Variants in SEMA3D observed in about 807,000 individuals in gnomAD.
SEMA3D encodes semaphorin-3D.
SEMA3D carries 84 observed loss-of-function variants against 100.1 expected under a neutral mutation model. The observed-to-expected ratio is 0.84, with a 90% confidence interval of 0.70 to 1.01. The LOEUF (loss-of-function observed/expected upper bound fraction) is 1.01, where lower values mean the gene tolerates loss of function less well. SEMA3D is among the 50% of genes least tolerant of loss of function. The pLI, the probability that SEMA3D is intolerant of heterozygous loss-of-function variation, is 0.00. For synonymous variants in SEMA3D, 312 were observed against 320.7 expected (o/e 0.97, Z 0.29); for missense variants, 875 against 934.1 (o/e 0.94, Z 0.82).
chr7:85,133,111 T>C (rs1267354509), intron 2 of SEMA3D, among the ~76,000 whole-genome samples: 1 of 151,998 alleles, frequency 6.6e-6, no homozygotes, highest in Non-Finnish European at 1.5e-5. Context: ...GGTCTTCCTA[T>C]GTAGATATGT....
At chr7:85,142,031 A>T (rs1790064355) in intron 2 of SEMA3D, 1 of 983,896 alleles carries the variant, frequency 1.0e-6, no homozygotes, top group Admixed American at 6.2e-5. Context: ...AATAGCCAGC[A>T]AAATAGAAGG....
intron 2 of SEMA3D, among the ~76,000 whole-genome samples, chr7:85,147,092 C>CTTTTTT (rs752922884): frequency 0.014 from 662 of 48,134 alleles, 60 homozygotes; most frequent in Non-Finnish European, 0.016. Context: ...TTTTTCTTTT[C>CTTTTTT]TTTTTTTTTT....
the SEMA3D span, among the ~76,000 whole-genome samples, chr7:85,231,522 C>T: frequency 6.8e-6 from 1 of 147,480 alleles, no homozygotes. Context: ...GCGATCTCGG[C>T]TCACTGCAAG....
At chr7:85,177,905 G>A (rs535227608) in intron 1 of SEMA3D, among the ~76,000 whole-genome samples, 2 of 152,254 alleles carry the variant, frequency 1.3e-5, no homozygotes, top group South Asian at 4.1e-4. Context: ...AATCCAAATT[G>A]TAATACCCAT....
At chr7:85,160,247 G>C (rs1019043223) in intron 1 of SEMA3D, among the ~76,000 whole-genome samples, 1 of 152,012 alleles carries the variant, frequency 6.6e-6, no homozygotes, top group African/African-American at 2.4e-5. Context: ...ATGGTTAAGA[G>C]ATGGATGAAC....
intron 3 of SEMA3D, among the ~76,000 whole-genome samples, chr7:85,100,065 A>G (rs1788700456): frequency 6.6e-6 from 1 of 151,988 alleles, no homozygotes; most frequent in Non-Finnish European, 1.5e-5. Context: ...ATGTGCAGAA[A>G]GATGTAAAGA....
chr7:85,118,883 T>G (rs1789326406), intron 3 of SEMA3D, among the ~76,000 whole-genome samples: 1 of 152,142 alleles, frequency 6.6e-6, no homozygotes, highest in Admixed American at 6.6e-5. Context: ...TGAATGGTAT[T>G]GCTTAGGTTG....
chr7:85,063,759 A>T (rs776911275), intron 8 of SEMA3D, among the ~76,000 whole-genome samples: 1 of 152,220 alleles, frequency 6.6e-6, no homozygotes, highest in Non-Finnish European at 1.5e-5. Context: ...TTAGAAAAAC[A>T]AAATTCTGAC....
At chr7:85,184,238 A>C (rs1356439204) in intron 1 of SEMA3D, among the ~76,000 whole-genome samples, 1 of 152,198 alleles carries the variant, frequency 6.6e-6, no homozygotes, top group Non-Finnish European at 1.5e-5. Context: ...TGGGGTCATG[A>C]CAACTTTCTT....
At chr7:85,134,817 T>G (rs73379824) in intron 2 of SEMA3D, among the ~76,000 whole-genome samples, 10 of 152,030 alleles carry the variant, frequency 6.6e-5, no homozygotes, top group African/African-American at 2.4e-4. Context: ...GTGTATAATA[T>G]CATAAAAACT....
At chr7:85,076,655 T>A (rs1282408406) in intron 5 of SEMA3D, among the ~76,000 whole-genome samples, 3 of 152,186 alleles carry the variant, frequency 2.0e-5, no homozygotes. Context: ...TCTTAACTGG[T>A]TTTATTTTTA....
chr7:85,094,392 T>C (rs1224494720), intron 4 of SEMA3D, among the ~76,000 whole-genome samples: 4 of 152,024 alleles, frequency 2.6e-5, no homozygotes, highest in Non-Finnish European at 5.9e-5. Flanking sequence ...TAAACTAAGT[T>C]AAAAATGGTA....
the SEMA3D span, among the ~76,000 whole-genome samples, chr7:85,207,053 T>A: frequency 6.6e-6 from 1 of 152,020 alleles, no homozygotes; most frequent in Non-Finnish European, 1.5e-5. Context: ...GCATGGAAAA[T>A]CAGTAATTGT....
intron 3 of SEMA3D, among the ~76,000 whole-genome samples, chr7:85,103,598 T>A (rs1037056423): frequency 6.6e-6 from 1 of 151,966 alleles, no homozygotes; most frequent in Non-Finnish European, 1.5e-5. Context: ...TTGTTTTATC[T>A]CCCTAAACCT....
At chr7:85,107,627 G>A (rs1788969410) in intron 3 of SEMA3D, among the ~76,000 whole-genome samples, 1 of 151,888 alleles carries the variant, frequency 6.6e-6, no homozygotes, top group South Asian at 2.1e-4. Context: ...CCAATCATCT[G>A]ATCTCATTGA....
chr7:85,108,582 C>T (rs1056353985), intron 3 of SEMA3D, among the ~76,000 whole-genome samples: 16 of 152,094 alleles, frequency 1.1e-4, no homozygotes, highest in Non-Finnish European at 2.2e-4. Flanking sequence ...TCAGATTTTG[C>T]TGATACAACT....
the SEMA3D span, among the ~76,000 whole-genome samples, chr7:85,226,196 A>G: frequency 6.6e-6 from 1 of 152,142 alleles, no homozygotes; most frequent in Admixed American, 6.5e-5. Flanking sequence ...ACCAGCTTGA[A>G]TTTATATGAC....
the SEMA3D span, among the ~76,000 whole-genome samples, chr7:85,229,974 A>G: frequency 6.6e-6 from 1 of 152,206 alleles, no homozygotes; most frequent in African/African-American, 2.4e-5. Context: ...GTTTTCTTGA[A>G]TGGTAAAACT....
intron 15 of SEMA3D, among the ~76,000 whole-genome samples, chr7:85,017,339 C>T (rs1166504295): frequency 1.3e-5 from 2 of 151,732 alleles, no homozygotes; most frequent in African/African-American, 4.8e-5. Flanking sequence ...CTTTGACACT[C>T]AGCTATACTG....
Sources: gnomAD v4.1 joint callset for allele counts (sites outside exome capture counted in the v4.1 genomes callset) on GRCh38, gnomAD v4.1.1 for gene constraint, MANE v1.5 for transcripts, NCBI Gene and HGNC (gene_info 2026-07-23, HGNC 2026-07-21) for gene names.